The following SDK1 variants were observed in gnomAD, a reference collection of about 807,000 sequenced individuals.
The protein encoded by SDK1 is sidekick cell adhesion molecule 1.
Under a neutral mutation model 245.5 loss-of-function variants are expected in SDK1, and 157 were observed. That is an observed-to-expected ratio of 0.64 (90% CI 0.56 to 0.73). The LOEUF (loss-of-function observed/expected upper bound fraction) is 0.73. SDK1 is among the 30% of genes least tolerant of loss of function. The probability of loss-of-function intolerance (pLI) is 0.00; values close to 1 mark genes in which losing one functional copy is unlikely to be tolerated. For synonymous variants in SDK1, 1,647 were observed against 1,278.5 expected (o/e 1.29, Z -6.15); for missense variants, 3,583 against 3,002.3 (o/e 1.19, Z -4.52).
chr7:3,612,564 A>G (rs944104168), intron 1 of SDK1, among the ~76,000 whole-genome samples: 1 of 152,230 alleles, frequency 6.6e-6, no homozygotes, highest in Non-Finnish European at 1.5e-5. Context: ...CAAATGATAC[A>G]TTCTGCCCTG....
chr7:3,586,007 A>G, intron 1 of SDK1, among the ~76,000 whole-genome samples: 1 of 152,320 alleles, frequency 6.6e-6, no homozygotes, highest in African/African-American at 2.4e-5. Context: ...TATGGGCTGC[A>G]GAGCTGATTG....
At chr7:3,920,572 G>T (rs1024289973) in intron 5 of SDK1, among the ~76,000 whole-genome samples, 2 of 152,128 alleles carry the variant, frequency 1.3e-5, no homozygotes, top group African/African-American at 4.8e-5. Flanking sequence ...CAGGAAAAAA[G>T]ACAAAACAGA....
In SDK1 at chr7:4,071,946, C is replaced by T. The variant is rs1303949793; in HGVS notation, c.3010+4010C>T. ...GATACACACGTTAGCCCCTGCCCTG[C>T]CCTTTGTGAACACAGCACACACTTC... On this transcript the variant is annotated intron_variant, in intron 20 of 44. Transcript: ENST00000404826. 3.3e-5 allele frequency among the ~76,000 whole-genome samples: 5 copies of T among 152,198 alleles called. No homozygotes were observed. The East Asian group carries it at 5.8e-4, about 18-fold the overall frequency.
At chr7:4,188,051 A>G (rs1782991973) in intron 35 of SDK1, among the ~76,000 whole-genome samples, 1 of 152,198 alleles carries the variant, frequency 6.6e-6, no homozygotes. Context: ...ATTCACTACC[A>G]TGAGAACAGC....
intron 11 of SDK1, among the ~76,000 whole-genome samples, chr7:3,970,979 C>T (rs1782447233): frequency 6.6e-6 from 1 of 152,180 alleles, no homozygotes; most frequent in African/African-American, 2.4e-5. Flanking sequence ...GGGCAAGTCA[C>T]TGCATCTCTG....
At chr7:3,363,244 T>C (rs1781000758) in intron 1 of SDK1, among the ~76,000 whole-genome samples, 1 of 152,230 alleles carries the variant, frequency 6.6e-6, no homozygotes, top group Non-Finnish European at 1.5e-5. Context: ...TATTGCTCTT[T>C]TTTCATTCAG....
intron 22 of SDK1, among the ~76,000 whole-genome samples, chr7:4,096,269 G>A (rs1327233697): frequency 1.3e-5 from 2 of 152,224 alleles, no homozygotes; most frequent in Non-Finnish European, 1.5e-5. Context: ...TGGCAGGGCA[G>A]AGCCAGCTCT....
At chr7:3,389,374 A>G (rs1434050677) in intron 1 of SDK1, among the ~76,000 whole-genome samples, 3 of 152,134 alleles carry the variant, frequency 2.0e-5, no homozygotes, top group Admixed American at 6.6e-5. Context: ...AAGAGAAGAC[A>G]ACTACGAGAC....
chr7:3,534,002 T>A (rs1778792169), intron 1 of SDK1, among the ~76,000 whole-genome samples: 1 of 152,228 alleles, frequency 6.6e-6, no homozygotes, highest in South Asian at 2.1e-4. Flanking sequence ...ATAGCAGATC[T>A]CTGGAACTTG....
At chr7:3,356,765 C>T (rs1006606459) in intron 1 of SDK1, among the ~76,000 whole-genome samples, 1 of 151,964 alleles carries the variant, frequency 6.6e-6, no homozygotes, top group Non-Finnish European at 1.5e-5. Context: ...ACAAAAAATA[C>T]ATCTTTCTGA....
chr7:3,454,169 T>TA (rs1780603744), intron 1 of SDK1, among the ~76,000 whole-genome samples: 1 of 152,140 alleles, frequency 6.6e-6, no homozygotes, highest in Non-Finnish European at 1.5e-5. Flanking sequence ...ACTCATTCTA[T>TA]AAAAATTTGG....
intron 2 of SDK1, among the ~76,000 whole-genome samples, chr7:3,624,989 A>G (rs1407794744): frequency 6.6e-6 from 1 of 152,168 alleles, no homozygotes; most frequent in African/African-American, 2.4e-5. Context: ...CAGTAAGCCA[A>G]GATCATGCCA....
chr7:3,648,341 G>A (rs533594475), intron 4 of SDK1, among the ~76,000 whole-genome samples: 3 of 152,274 alleles, frequency 2.0e-5, no homozygotes, highest in Middle Eastern at 6.8e-3. Flanking sequence ...TGCTCAAATT[G>A]CATCCTGTAG....
intron 5 of SDK1, among the ~76,000 whole-genome samples, chr7:3,854,792 A>G (rs1374381951): frequency 6.6e-6 from 1 of 152,226 alleles, no homozygotes; most frequent in Non-Finnish European, 1.5e-5. Context: ...GAAACAACAA[A>G]AAAGATAGGT....
At chr7:3,761,973 G>GTGA (rs1780118983) in intron 4 of SDK1, among the ~76,000 whole-genome samples, 1 of 152,176 alleles carries the variant, frequency 6.6e-6, no homozygotes, top group Non-Finnish European at 1.5e-5. Context: ...TTAGCTGCTA[G>GTGA]TGAAATGCTT....
chr7:3,707,663 A>G (rs1784930571), intron 4 of SDK1, among the ~76,000 whole-genome samples: 1 of 152,110 alleles, frequency 6.6e-6, no homozygotes, highest in Non-Finnish European at 1.5e-5. Flanking sequence ...GGCCCCCCCT[A>G]TTATCGTGTT....
chr7:3,847,259 A>G (rs531687139), intron 5 of SDK1, among the ~76,000 whole-genome samples: 153 of 152,196 alleles, frequency 1.0e-3, no homozygotes, highest in African/African-American at 3.6e-3. Context: ...GACTTCATCA[A>G]GTTCATTATT....
chr7:3,613,451 C>A (rs550374194), intron 1 of SDK1, among the ~76,000 whole-genome samples: 1 of 152,268 alleles, frequency 6.6e-6, no homozygotes, highest in South Asian at 2.1e-4. Flanking sequence ...TCTCCACAAC[C>A]TCTCCAGCAC....
chr7:4,211,659 A>G (rs1455989799), intron 38 of SDK1, among the ~76,000 whole-genome samples: 1 of 151,932 alleles, frequency 6.6e-6, no homozygotes, highest in Admixed American at 6.6e-5. Context: ...TCCCAGGCTG[A>G]AGTGCAGTGG....
Sources: allele counts gnomAD v4.1 joint callset (sites outside exome capture counted in the v4.1 genomes callset), GRCh38; gene constraint gnomAD v4.1.1; transcripts MANE v1.5; gene names NCBI Gene and HGNC (gene_info 2026-07-23, HGNC 2026-07-21).